The following PCCA variants were observed in gnomAD, a reference collection of about 807,000 sequenced individuals.
PCCA encodes propionyl-CoA carboxylase subunit alpha.
A neutral mutation model predicts 101.3 loss-of-function variants in PCCA; 74 were observed. The observed-to-expected ratio is 0.73, with a 90% CI of 0.61 to 0.89. The LOEUF is 0.89. PCCA is among the 40% of genes least tolerant of loss of function. PCCA has a pLI of 0.00. For missense variants in PCCA, 891 were observed against 907.0 expected (o/e 0.98, Z 0.23); for synonymous variants, 294 against 313.6 (o/e 0.94, Z 0.66).
intron 10 of PCCA, among the ~76,000 whole-genome samples, chr13:100,266,236 A>G (rs904004835): frequency 6.6e-6 from 1 of 152,176 alleles, no homozygotes; most frequent in Non-Finnish European, 1.5e-5. Flanking sequence ...GGTCTTACTC[A>G]TTTGCTGTCC....
chr13:100,400,916 G>A (rs908714648), intron 19 of PCCA, among the ~76,000 whole-genome samples: 2 of 151,928 alleles, frequency 1.3e-5, no homozygotes, highest in African/African-American at 4.8e-5. Flanking sequence ...GTGAGCCACC[G>A]GCATGGCCTC....
intron 16 of PCCA, among the ~76,000 whole-genome samples, chr13:100,317,149 T>C (rs2067450544): frequency 3.3e-5 from 5 of 152,246 alleles, no homozygotes. Flanking sequence ...TATTCTGAAT[T>C]ATTTATTTGT....
intron 4 of PCCA, among the ~76,000 whole-genome samples, chr13:100,147,405 C>T (rs572408339): frequency 1.1e-4 from 17 of 152,296 alleles, no homozygotes; most frequent in African/African-American, 4.1e-4. Flanking sequence ...GTGATAGCTG[C>T]TGCTGGGGCT....
At chr13:100,504,220 A>G (rs1215940277) in intron 21 of PCCA, among the ~76,000 whole-genome samples, 1 of 152,218 alleles carries the variant, frequency 6.6e-6, no homozygotes, top group African/African-American at 2.4e-5. Flanking sequence ...TTCCTCAAAT[A>G]TGAATTCTTC....
At chr13:100,178,599 G>A (rs2056453954) in intron 6 of PCCA, among the ~76,000 whole-genome samples, 1 of 152,138 alleles carries the variant, frequency 6.6e-6, no homozygotes, top group African/African-American at 2.4e-5. Flanking sequence ...ACCAAATTTA[G>A]AAGGATAGGA....
intron 21 of PCCA, among the ~76,000 whole-genome samples, chr13:100,466,930 T>G (rs2082565930): frequency 6.6e-6 from 1 of 152,176 alleles, no homozygotes; most frequent in Non-Finnish European, 1.5e-5. Context: ...GTACCACTCC[T>G]TTCCTGTCTC....
At chr13:100,185,577 G>T (rs11069392) in intron 6 of PCCA, among the ~76,000 whole-genome samples, 21,634 of 151,896 alleles carry the variant, frequency 0.14, 1,656 homozygotes, top group Non-Finnish European at 0.18. Flanking sequence ...GAACTCCTGG[G>T]CTCAAGTAAT....
intron 6 of PCCA, among the ~76,000 whole-genome samples, chr13:100,159,008 CATTT>C (rs918617404): frequency 4.9e-5 from 7 of 143,474 alleles, no homozygotes; most frequent in Admixed American, 2.1e-4. Context: ...ACAGTTAATA[CATTT>C]ATTTATTTTA....
intron 6 of PCCA, among the ~76,000 whole-genome samples, chr13:100,203,114 T>C (rs551805322): frequency 6.6e-6 from 1 of 151,608 alleles, no homozygotes; most frequent in East Asian, 1.9e-4. Context: ...CTACTAAAAA[T>C]ACAAAAAAAA....
chr13:100,527,651 C>G, intron 22 of PCCA, 24 bp from the exon 23 acceptor site: 1 of 1,567,532 alleles, frequency 6.4e-7, no homozygotes, highest in Non-Finnish European at 8.8e-7. Flanking sequence ...GCTTTTAAAA[C>G]TTCTGCCCAT....
chr13:100,136,433 G>A (rs906366949), intron 4 of PCCA, among the ~76,000 whole-genome samples: 4 of 152,116 alleles, frequency 2.6e-5, no homozygotes, highest in African/African-American at 9.7e-5. Context: ...TGATCCACCT[G>A]TCTTGGCCTC....
chr13:100,457,870 G>A (rs1177390715), intron 21 of PCCA, among the ~76,000 whole-genome samples: 1 of 152,178 alleles, frequency 6.6e-6, no homozygotes, highest in Admixed American at 6.5e-5. Context: ...CCCCTTGGAG[G>A]TTGTGTGTGA....
intron 21 of PCCA, among the ~76,000 whole-genome samples, chr13:100,513,788 C>T (rs1371435172): frequency 2.0e-5 from 3 of 152,156 alleles, no homozygotes; most frequent in Admixed American, 6.5e-5. Context: ...CAAGGCACGT[C>T]GTAAGTCAGT....
intron 17 of PCCA, among the ~76,000 whole-genome samples, chr13:100,331,549 C>T (rs2069574976): frequency 6.6e-6 from 1 of 152,098 alleles, no homozygotes; most frequent in African/African-American, 2.4e-5. Flanking sequence ...ATTTACAATA[C>T]AGAGTTTTCA....
intron 12 of PCCA, among the ~76,000 whole-genome samples, chr13:100,276,896 T>G (rs2063708296): frequency 6.6e-6 from 1 of 152,246 alleles, no homozygotes; most frequent in African/African-American, 2.4e-5. Context: ...TTGTATTAAC[T>G]GCTTTTTATG....
intron 16 of PCCA, among the ~76,000 whole-genome samples, chr13:100,312,792 A>C (rs942961617): frequency 2.6e-5 from 4 of 152,226 alleles, no homozygotes; most frequent in Non-Finnish European, 5.9e-5. Context: ...GTAGAAAAGC[A>C]ATTTGTAGTC....
At chr13:100,335,271 A>C (rs1383774795) in intron 17 of PCCA, among the ~76,000 whole-genome samples, 1 of 152,234 alleles carries the variant, frequency 6.6e-6, no homozygotes, top group African/African-American at 2.4e-5. Flanking sequence ...TAGCTTAAAA[A>C]TATACATATT....
At chr13:100,113,770 G>A (rs1392111100) in intron 4 of PCCA, among the ~76,000 whole-genome samples, 1 of 151,718 alleles carries the variant, frequency 6.6e-6, no homozygotes. Flanking sequence ...GTAGAGACGG[G>A]GTTTCACCAT....
intron 21 of PCCA, among the ~76,000 whole-genome samples, chr13:100,514,340 C>T (rs1334120029): frequency 3.9e-5 from 6 of 152,280 alleles, no homozygotes; most frequent in Admixed American, 2.6e-4. Context: ...AGATTCCCGC[C>T]GTCCCCATGC....
Sources: gnomAD v4.1 joint callset for allele counts (sites outside exome capture counted in the v4.1 genomes callset) on GRCh38, gnomAD v4.1.1 for gene constraint, MANE v1.5 for transcripts, NCBI Gene and HGNC (gene_info 2026-07-23, HGNC 2026-07-21) for gene names.